The following SORCS2 variants were observed in gnomAD, a reference collection of about 807,000 sequenced individuals.
SORCS2 encodes sortilin related VPS10 domain containing receptor 2.
Under a neutral mutation model 141.6 loss-of-function variants are expected in SORCS2, and 100 were observed. The ratio of observed to expected loss-of-function variants is 0.71; its 90% CI spans 0.60 to 0.83. The LOEUF (loss-of-function observed/expected upper bound fraction) is 0.83, where lower values mean the gene tolerates loss of function less well. SORCS2 is among the 40% of genes least tolerant of loss of function. SORCS2 has a pLI of 0.00. For synonymous variants in SORCS2, 789 were observed against 676.9 expected (o/e 1.17, Z -2.57); for missense variants, 1,646 against 1,560.2 (o/e 1.05, Z -0.93).
chr4:7,301,629 G>A (rs1384942826), intron 1 of SORCS2, among the ~76,000 whole-genome samples: 1 of 152,342 alleles, frequency 6.6e-6, no homozygotes, highest in African/African-American at 2.4e-5. Flanking sequence ...GCTGGAAGCC[G>A]GGCGGCCCAA....
At chr4:7,498,593 C>T (rs922029940) in intron 2 of SORCS2, among the ~76,000 whole-genome samples, 7 of 152,218 alleles carry the variant, frequency 4.6e-5, no homozygotes, top group Non-Finnish European at 8.8e-5. Flanking sequence ...GGTGAGGCCC[C>T]ACCTCCTAGG....
rs1719458598 is a variant in SORCS2, at chr4:7,328,844, C to CT, written c.481-67442dup. 2.0e-5 allele frequency among the ~76,000 whole-genome samples: 3 copies of CT among 152,228 alleles called. No individual in the cohort carries two copies. The South Asian group carries it at 6.2e-4, about 32-fold the overall frequency. On this transcript the variant is annotated intron_variant, in intron 1 of 26. Transcript: ENST00000507866. ...CTCAGCCAGCCCATCTCTACCGTCC[C>CT]TTCCGGCCTGAGGATGAGCATCCAT...
Position 7,192,939 on chromosome 4 carries a change from C to T in SORCS2, c.293C>T (p.Pro98Leu). Reference protein sequence around the residue: ...GTEPGAPGPSPGPAPGPGEDG... With the variant: ...GTEPGAPGPSLGPAPGPGEDG... ...GAGCCAGGCGCCCCGGGTCCGAGTC[C>T]CGGTCCCGCTCCTGGTCCCGGCGAG... The change falls in exon 1 of 27, where the codon CCC (proline) becomes CTC (leucine). Residue 98 changes from proline to leucine, a missense_variant. Coordinates refer to ENST00000507866, the MANE Select transcript of SORCS2 (RefSeq NM_020777.3). The surrounding 1 kb of genome is among the most constrained non-coding windows in gnomAD (Gnocchi z 4.0). The T allele has an allele frequency of 7.7e-7, 1 of 1,295,976 alleles. No individual in the cohort carries two copies. The allele number at this position is 1,295,976 out of a possible 1,614,324, so 80.3% of individuals were successfully genotyped here.
rs1033092037 is a variant in SORCS2 at position 7,676,180 on chromosome 4, T to G, written c.1292T>G (p.Val431Gly). The change falls in exon 9 of 27, where the codon GTG becomes GGG. Residue 431 changes from valine to glycine, a missense_variant. Physicochemically the swap from Val to Gly is moderately radical, Grantham distance 109. Coordinates refer to ENST00000507866, the MANE Select transcript of SORCS2 (RefSeq NM_020777.3). Reference sequence around the variant, plus strand: ...CGCTACGCGCTGGTGCTGCAGGACGTGCGCAGCTCACGGCAGGCGGAGGAG... The same window carrying G: ...CGCTACGCGCTGGTGCTGCAGGACGGGCGCAGCTCACGGCAGGCGGAGGAG... Reference protein sequence around the residue: ...GVRYALVLQDVRSSRQAEESV... With the variant: ...GVRYALVLQDGRSSRQAEESV... The G allele has an allele frequency of 6.4e-7, 1 of 1,555,484 alleles. No homozygotes were observed. Among genetic ancestry groups the G allele is most frequent in the African/African-American group, 1.4e-5 (1 of 73,238 alleles).
intron 1 of SORCS2, among the ~76,000 whole-genome samples, chr4:7,358,083 C>A (rs530460946): frequency 6.6e-6 from 1 of 152,180 alleles, no homozygotes; most frequent in African/African-American, 2.4e-5. Context: ...GAAAATAATA[C>A]ATCTGGTCTC....
At chr4:7,434,648 G>GC (rs781755507) in intron 2 of SORCS2, 1 of 1,613,342 alleles carries the variant, frequency 6.2e-7, no homozygotes, top group South Asian at 1.1e-5. Flanking sequence ...TCAGGGTTCA[G>GC]CCCATTGCCA....
intron 3 of SORCS2, among the ~76,000 whole-genome samples, chr4:7,545,067 T>G (rs1453446761): frequency 2.0e-5 from 3 of 151,698 alleles, no homozygotes; most frequent in Non-Finnish European, 4.4e-5. Flanking sequence ...GAGTGAACCC[T>G]GGAAACTTCA....
At chr4:7,590,455 A>C (rs1716841928) in intron 3 of SORCS2, among the ~76,000 whole-genome samples, 1 of 152,228 alleles carries the variant, frequency 6.6e-6, no homozygotes, top group Non-Finnish European at 1.5e-5. Flanking sequence ...AAATGCCTCC[A>C]GGGCAAGAAT....
intron 1 of SORCS2, among the ~76,000 whole-genome samples, chr4:7,315,933 C>T (rs1718519943): frequency 6.6e-6 from 1 of 152,142 alleles, no homozygotes; most frequent in Non-Finnish European, 1.5e-5. Flanking sequence ...ATCCATTCAT[C>T]CACCCATCCA....
chr4:7,499,554 C>G (rs941657923), intron 2 of SORCS2, among the ~76,000 whole-genome samples: 1 of 152,058 alleles, frequency 6.6e-6, no homozygotes, highest in African/African-American at 2.4e-5. Context: ...CAGGTGGTAC[C>G]TGGAACTCGA....
intron 2 of SORCS2, among the ~76,000 whole-genome samples, chr4:7,477,654 G>A (rs1730385319): frequency 6.6e-6 from 1 of 152,194 alleles, no homozygotes; most frequent in African/African-American, 2.4e-5. Flanking sequence ...ATTCCCGAGG[G>A]GGCACAGAAG....
At chr4:7,392,384 G>C (rs1723922733) in intron 1 of SORCS2, among the ~76,000 whole-genome samples, 2 of 152,182 alleles carry the variant, frequency 1.3e-5, no homozygotes, top group Admixed American at 6.5e-5. Flanking sequence ...CTGGGACTGG[G>C]CCTGAAGGAC....
At chr4:7,546,569 G>C (rs1329110496) in intron 3 of SORCS2, among the ~76,000 whole-genome samples, 1 of 151,936 alleles carries the variant, frequency 6.6e-6, no homozygotes, top group Admixed American at 6.5e-5. Context: ...TTGTTCCTGA[G>C]AGCAGCTGAG....
At chr4:7,533,787 G>A (rs1276030630) in intron 3 of SORCS2, among the ~76,000 whole-genome samples, 1 of 147,104 alleles carries the variant, frequency 6.8e-6, no homozygotes, top group Non-Finnish European at 1.5e-5. Flanking sequence ...TGGGGACATG[G>A]CCGTGACCTC....
At chr4:7,632,299 C>T (rs1478861332) in intron 3 of SORCS2, among the ~76,000 whole-genome samples, 1 of 152,176 alleles carries the variant, frequency 6.6e-6, no homozygotes, top group Non-Finnish European at 1.5e-5. Flanking sequence ...AAAAACCAGC[C>T]TCCTGGGCCC....
intron 1 of SORCS2, among the ~76,000 whole-genome samples, chr4:7,341,812 A>G (rs1432199984): frequency 1.3e-5 from 2 of 152,132 alleles, no homozygotes; most frequent in African/African-American, 2.4e-5. Flanking sequence ...AAGCATTTTC[A>G]TCTCCCCAAA....
At position 7,663,705 on chromosome 4, in the gene SORCS2, G is replaced by A. The variant is rs1358094072; in HGVS notation, c.953-648G>A. Among the ~76,000 whole-genome samples, 1 of 152,130 alleles carries A rather than the reference G, an allele frequency of 6.6e-6. No homozygotes were observed. The highest frequency in any genetic ancestry group is 1.5e-5 in the Non-Finnish European group (1 of 68,034). On this transcript the variant is annotated intron_variant, in intron 6 of 26. Coordinates refer to ENST00000507866, the MANE Select transcript of SORCS2 (RefSeq NM_020777.3). This position sits in a 1 kb window ranked among gnomAD's most constrained non-coding sequence, Gnocchi z 4.8. The stretch of plus-strand genomic sequence containing the variant: ...ATGCTGCCGGGTCACCCAAGGCTGG[G>A]GGCAGGAGGAGGAGGAAAAGGAAGA...
chr4:7,419,477 T>G (rs1269504630), intron 2 of SORCS2, among the ~76,000 whole-genome samples: 1 of 152,190 alleles, frequency 6.6e-6, no homozygotes, highest in Non-Finnish European at 1.5e-5. Context: ...GGCCTTGTAT[T>G]GAATGGACCA....
intron 1 of SORCS2, among the ~76,000 whole-genome samples, chr4:7,352,147 T>C (rs1720981470): frequency 6.6e-6 from 1 of 152,222 alleles, no homozygotes; most frequent in South Asian, 2.1e-4. Context: ...TGTGTATCCA[T>C]CTTTCAGAAT....
Sources: allele counts gnomAD v4.1 joint callset (sites outside exome capture counted in the v4.1 genomes callset), GRCh38; gene constraint gnomAD v4.1.1; non-coding constraint Gnocchi (gnomAD v3.1); transcripts MANE v1.5; gene names NCBI Gene and HGNC (gene_info 2026-07-23, HGNC 2026-07-21).